The following UNC5D variants were observed in gnomAD, a reference collection of about 807,000 sequenced individuals.
UNC5D encodes netrin receptor UNC5D.
A neutral mutation model predicts 105.4 loss-of-function variants in UNC5D; 39 were observed. The ratio of observed to expected loss-of-function variants is 0.37; its 90% CI spans 0.29 to 0.48. The LOEUF is 0.48. Among genes scored for constraint, UNC5D ranks in the 20% least tolerant of loss-of-function variants. The pLI is 0.98. For synonymous variants in UNC5D, 452 were observed against 450.4 expected, an observed-to-expected ratio of 1.00 and a Z score of -0.04; for missense variants, 991 against 1,202.4, an observed-to-expected ratio of 0.82 and a Z score of 2.60.
At chr8:35,614,380 G>C (rs752803874) in intron 4 of UNC5D, among the ~76,000 whole-genome samples, 20 of 152,094 alleles carry the variant, frequency 1.3e-4, no homozygotes, top group Non-Finnish European at 2.6e-4. Flanking sequence ...GGTTAAGTGG[G>C]GGTGTCCATG....
intron 1 of UNC5D, among the ~76,000 whole-genome samples, chr8:35,467,070 A>G (rs1809359923): frequency 6.6e-6 from 1 of 152,198 alleles, no homozygotes; most frequent in African/African-American, 2.4e-5. Context: ...GGAAATAACT[A>G]TAAAATTAGT....
At chr8:35,729,387 T>C (rs1478059250) in intron 10 of UNC5D, among the ~76,000 whole-genome samples, 4 of 152,210 alleles carry the variant, frequency 2.6e-5, no homozygotes, top group South Asian at 2.1e-4. Flanking sequence ...GATGTGTTTA[T>C]TGGCTTCCTG....
At chr8:35,354,826 A>C (rs2128912835) in intron 1 of UNC5D, among the ~76,000 whole-genome samples, 1 of 152,248 alleles carries the variant, frequency 6.6e-6, no homozygotes, top group East Asian at 1.9e-4. Context: ...CTGGGGCTGG[A>C]AGACCCACTT....
intron 1 of UNC5D, among the ~76,000 whole-genome samples, chr8:35,535,723 C>A (rs1368428409): frequency 6.6e-6 from 1 of 152,052 alleles, no homozygotes; most frequent in Non-Finnish European, 1.5e-5. Flanking sequence ...CCCTCACAGA[C>A]AAAAAGTAAT....
chr8:35,660,995 G>T (rs1427651744), intron 4 of UNC5D, among the ~76,000 whole-genome samples: 1 of 152,048 alleles, frequency 6.6e-6, no homozygotes, highest in Non-Finnish European at 1.5e-5. Context: ...CTACTTGGGA[G>T]GCTGAGGTGG....
chr8:35,526,699 A>T (rs889548913), intron 1 of UNC5D, among the ~76,000 whole-genome samples: 1 of 152,100 alleles, frequency 6.6e-6, no homozygotes, highest in Non-Finnish European at 1.5e-5. Flanking sequence ...ATTTTCTGCC[A>T]TCTAAGAAAT....
chr8:35,584,220 CCT>C (rs1818638833), intron 3 of UNC5D, among the ~76,000 whole-genome samples: 1 of 151,886 alleles, frequency 6.6e-6, no homozygotes, highest in Non-Finnish European at 1.5e-5. Context: ...TGGCAGTGGC[CCT>C]GAGACACCAG....
intron 6 of UNC5D, 45 bp downstream of exon 6, chr8:35,684,794 C>G: frequency 6.5e-7 from 1 of 1,541,794 alleles, no homozygotes; most frequent in Non-Finnish European, 8.7e-7. Context: ...TCCACCAACA[C>G]TATTAAGCTG....
intron 7 of UNC5D, among the ~76,000 whole-genome samples, chr8:35,694,227 T>C (rs1016668374): frequency 7.2e-5 from 11 of 152,072 alleles, no homozygotes; most frequent in African/African-American, 2.4e-4. Flanking sequence ...CTGGGGACTG[T>C]TGGAAGGTAC....
intron 1 of UNC5D, among the ~76,000 whole-genome samples, chr8:35,245,004 C>T (rs759970482): frequency 6.6e-6 from 1 of 152,120 alleles, no homozygotes; most frequent in Admixed American, 6.5e-5. Flanking sequence ...GAGCAAGACC[C>T]TGTCCCTCCA....
intron 4 of UNC5D, among the ~76,000 whole-genome samples, chr8:35,608,532 A>C (rs1400046462): frequency 1.3e-5 from 2 of 152,158 alleles, no homozygotes; most frequent in African/African-American, 2.4e-5. Context: ...CCCAAATGAC[A>C]AGTAATTTCT....
chr8:35,738,892 A>G (rs1232299974), intron 11 of UNC5D, among the ~76,000 whole-genome samples: 2 of 152,182 alleles, frequency 1.3e-5, no homozygotes, highest in Non-Finnish European at 2.9e-5. Context: ...ATGGATTAGA[A>G]TCTGATTTGT....
chr8:35,605,197 GA>G (rs765887681), intron 4 of UNC5D, among the ~76,000 whole-genome samples: 94 of 152,174 alleles, frequency 6.2e-4, no homozygotes, highest in Non-Finnish European at 1.2e-3. Flanking sequence ...GTTCTTTGAT[GA>G]TGGTGATGTA....
chr8:35,705,268 G>T (rs900003171), intron 7 of UNC5D, among the ~76,000 whole-genome samples: 5 of 152,120 alleles, frequency 3.3e-5, no homozygotes, highest in Admixed American at 6.5e-5. Context: ...CCAACCTAAT[G>T]CCTCTTCTCT....
At chr8:35,470,590 T>C (rs1809634367) in intron 1 of UNC5D, among the ~76,000 whole-genome samples, 1 of 91,910 alleles carries the variant, frequency 1.1e-5, no homozygotes, top group Admixed American at 1.3e-4. Flanking sequence ...ACCCTATCTC[T>C]ACAAAAAATG....
chr8:35,692,439 C>T (rs1276872101), intron 7 of UNC5D, among the ~76,000 whole-genome samples: 1 of 151,930 alleles, frequency 6.6e-6, no homozygotes, highest in African/African-American at 2.4e-5. Flanking sequence ...GGCACTGAAT[C>T]AGAGAAATTT....
intron 7 of UNC5D, 136 bp from the exon 8 acceptor site, chr8:35,705,793 A>G (rs1827537663): frequency 4.2e-6 from 2 of 480,022 alleles, no homozygotes; most frequent in South Asian, 2.7e-5. Flanking sequence ...ACTATGGACA[A>G]TGCCATTCCT....
chr8:35,254,791 T>G (rs1803959341), intron 1 of UNC5D: 1 of 152,236 alleles, frequency 6.6e-6, no homozygotes, highest in Admixed American at 6.5e-5. Flanking sequence ...TATCTCTCAC[T>G]TTTGATTGTC....
intron 1 of UNC5D, among the ~76,000 whole-genome samples, chr8:35,533,592 G>A (rs1312739594): frequency 6.6e-6 from 1 of 152,232 alleles, no homozygotes; most frequent in Admixed American, 6.5e-5. Context: ...GAGCTTCCTG[G>A]CTGCTTTGTT....
Sources: allele counts gnomAD v4.1 joint callset (sites outside exome capture counted in the v4.1 genomes callset), GRCh38; gene constraint gnomAD v4.1.1; transcripts MANE v1.5; gene names NCBI Gene and HGNC (gene_info 2026-07-23, HGNC 2026-07-21).